Variants in PRR5 observed in about 807,000 individuals in gnomAD.
The protein encoded by PRR5 is proline rich 5.
PRR5 carries 25 observed loss-of-function variants against 30.6 expected under a neutral mutation model. The observed-to-expected ratio is 0.82, with a 90% CI of 0.60 to 1.14. The LOEUF is 1.14. Among genes scored for constraint, PRR5 ranks in the 50% most tolerant of loss-of-function variants. The pLI, the probability that PRR5 is intolerant of heterozygous loss-of-function variation, is 0.00. For synonymous variants in PRR5, 286 were observed against 247.1 expected, an observed-to-expected ratio of 1.16 and a Z score of -1.48; for missense variants, 600 against 547.1, an observed-to-expected ratio of 1.10 and a Z score of -0.96.
At chr22:44,670,612 T>A (rs1456265359) in intron 1 of PRR5, among the ~76,000 whole-genome samples, 1 of 152,230 alleles carries the variant, frequency 6.6e-6, no homozygotes, top group African/African-American at 2.4e-5. Context: ...CTGTTTTAAC[T>A]GGGTGGCGAT....
intron 2 of PRR5, among the ~76,000 whole-genome samples, chr22:44,720,198 G>A (rs984148075): frequency 3.3e-5 from 5 of 152,362 alleles, no homozygotes; most frequent in South Asian, 2.1e-4. Context: ...CCAGGTGGCC[G>A]TGCCCGCAGC....
At chr22:44,713,475 C>T (rs1394998566) in intron 1 of PRR5, among the ~76,000 whole-genome samples, 1 of 152,218 alleles carries the variant, frequency 6.6e-6, no homozygotes, top group Non-Finnish European at 1.5e-5. Context: ...TCAGGTGATC[C>T]ACCCATCTTG....
intron 1 of PRR5, among the ~76,000 whole-genome samples, chr22:44,712,763 A>G (rs1290054509): frequency 1.3e-5 from 2 of 152,302 alleles, no homozygotes; most frequent in African/African-American, 4.8e-5. Flanking sequence ...CTGGTCTGCC[A>G]TAGGAACCTT....
At chr22:44,695,518 T>C (rs886929379) in intron 1 of PRR5, among the ~76,000 whole-genome samples, 2 of 152,230 alleles carry the variant, frequency 1.3e-5, no homozygotes, top group Non-Finnish European at 2.9e-5. Context: ...ATTCTTGTTA[T>C]CAGGCATTTT....
rs1454711362 is a variant in PRR5 at position 44,732,732 on chromosome 22, T to C, written c.555+341T>C. ...CACATAGTATGCACGTGCACATGCA[T>C]ACACACCACACACGTGTGCACGCAC... is the stretch of plus-strand genomic sequence containing the variant. On this transcript the variant is annotated intron_variant, in intron 6 of 7. Coordinates refer to ENST00000336985, the MANE Select transcript of PRR5 (RefSeq NM_181333.4). Among the ~76,000 whole-genome samples the C allele has an allele frequency of 4.1e-5, 6 of 145,944 alleles. No homozygotes were observed. In the South Asian group the frequency reaches 1.1e-3, roughly 27 times the overall value.
intron 1 of PRR5, among the ~76,000 whole-genome samples, chr22:44,670,638 G>T (rs538234992): frequency 3.7e-4 from 57 of 152,342 alleles, no homozygotes; most frequent in Non-Finnish European, 4.4e-5. Flanking sequence ...TACTTGCATG[G>T]ACTTAATTCC....
chr22:44,702,183 C>CCCGCCCCCGGGTCCGCCCCCGGGT (rs777318229), upstream of PRR5: 596 of 938,304 alleles, frequency 6.4e-4, 2 homozygotes, highest in Admixed American at 1.1e-3. Flanking sequence ...CGCCCCTGGG[C>CCCGCCCCCGGGTCCGCCCCCGGGT]CCGCCCCCGG....
intron 6 of PRR5, chr22:44,734,111 A>C (rs1922747058): frequency 6.6e-6 from 1 of 152,220 alleles, no homozygotes; most frequent in Admixed American, 6.5e-5. Flanking sequence ...GTCTCTACTA[A>C]AAATACAAAA....
At chr22:44,680,272 T>G (rs184474468) in intron 1 of PRR5, among the ~76,000 whole-genome samples, 52 of 152,260 alleles carry the variant, frequency 3.4e-4, no homozygotes, top group African/African-American at 1.1e-3. Context: ...TACTTCATCT[T>G]TGAAATGGGC....
intron 1 of PRR5, among the ~76,000 whole-genome samples, chr22:44,692,146 A>G (rs1221939323): frequency 2.0e-5 from 3 of 151,656 alleles, no homozygotes; most frequent in Non-Finnish European, 4.4e-5. Flanking sequence ...TCCTACACCA[A>G]GCCCACACCC....
chr22:44,710,878 C>T (rs574049350), intron 1 of PRR5, among the ~76,000 whole-genome samples: 30 of 152,196 alleles, frequency 2.0e-4, no homozygotes, highest in African/African-American at 5.5e-4. Flanking sequence ...CAGAAAAGGC[C>T]GCAGGGCAGG....
chr22:44,680,350 G>A (rs1406812691), intron 1 of PRR5, among the ~76,000 whole-genome samples: 1 of 152,174 alleles, frequency 6.6e-6, no homozygotes, highest in Non-Finnish European at 1.5e-5. Context: ...TCCTGGAATG[G>A]CATGTCCCTC....
At chr22:44,701,648 A>C (rs980681129), upstream of PRR5, among the ~76,000 whole-genome samples, 10 of 152,018 alleles carry the variant, frequency 6.6e-5, no homozygotes, top group African/African-American at 2.4e-4. Context: ...TCAAGCCCTC[A>C]CTCCAGCAAA....
intron 1 of PRR5, among the ~76,000 whole-genome samples, chr22:44,683,281 A>T (rs546430374): frequency 1.3e-3 from 201 of 152,288 alleles, no homozygotes; most frequent in Non-Finnish European, 6.9e-4. Flanking sequence ...CTGCCCCTTG[A>T]GTCTGGGGAA....
intron 1 of PRR5, among the ~76,000 whole-genome samples, chr22:44,705,168 G>A (rs747524853): frequency 1.2e-4 from 18 of 152,202 alleles, no homozygotes; most frequent in Non-Finnish European, 2.6e-4. Context: ...TCTGGAGCCA[G>A]AAGCTTGAAG....
At chr22:44,708,221 A>G (rs565046899) in intron 1 of PRR5, among the ~76,000 whole-genome samples, 1 of 152,260 alleles carries the variant, frequency 6.6e-6, no homozygotes, top group South Asian at 2.1e-4. Context: ...AACAAAAAAC[A>G]AATAGGGAAA....
chr22:44,727,978 G>A (rs890291797), intron 4 of PRR5, among the ~76,000 whole-genome samples: 1 of 152,248 alleles, frequency 6.6e-6, no homozygotes, highest in African/African-American at 2.4e-5. Flanking sequence ...GGCCACCCAC[G>A]CCCCTCGCTT....
intron 1 of PRR5, among the ~76,000 whole-genome samples, chr22:44,669,778 A>ACC (rs1923316898): frequency 6.6e-6 from 1 of 151,296 alleles, no homozygotes; most frequent in Non-Finnish European, 1.5e-5. Context: ...GGCCATGAGG[A>ACC]CCGTGTGGGG....
chr22:44,720,933 C>A (rs939661880), intron 2 of PRR5, among the ~76,000 whole-genome samples: 1 of 152,076 alleles, frequency 6.6e-6, no homozygotes, highest in Non-Finnish European at 1.5e-5. Context: ...AGGGCCTCTC[C>A]GGGATTTCCA....
Sources: allele counts gnomAD v4.1 joint callset (sites outside exome capture counted in the v4.1 genomes callset), GRCh38; gene constraint gnomAD v4.1.1; transcripts MANE v1.5; gene names NCBI Gene and HGNC (gene_info 2026-07-23, HGNC 2026-07-21).